The following GLRA3 variants were observed in gnomAD, a reference collection of about 807,000 sequenced individuals.
The protein encoded by GLRA3 is glycine receptor alpha 3, also known as glycine receptor subunit alpha-3.
In GLRA3, 44 loss-of-function variants were observed where a neutral mutation model predicts 60.4. That is an observed-to-expected ratio of 0.73 (90% confidence interval 0.57 to 0.94). GLRA3 has a LOEUF of 0.94. Among genes scored for constraint, GLRA3 ranks in the 40% least tolerant of loss-of-function variants. The probability of loss-of-function intolerance (pLI) is 0.00; values close to 1 mark genes in which losing one functional copy is unlikely to be tolerated. For synonymous variants in GLRA3, 223 were observed against 192.9 expected (o/e 1.16, Z -1.29); for missense variants, 508 against 564.6 (o/e 0.90, Z 1.02).
At chr4:174,680,542 G>A (rs558206939) in intron 6 of GLRA3, among the ~76,000 whole-genome samples, 1 of 152,282 alleles carries the variant, frequency 6.6e-6, no homozygotes, top group Non-Finnish European at 1.5e-5. Context: ...ATTTCAGGAA[G>A]AACTTTACAT....
At chr4:174,708,823 A>G (rs530917657) in intron 5 of GLRA3, among the ~76,000 whole-genome samples, 1 of 140,622 alleles carries the variant, frequency 7.1e-6, no homozygotes, top group Non-Finnish European at 1.6e-5. Context: ...TTTTTTTTTC[A>G]ACTAGCAAAT....
chr4:174,743,503 T>C (rs1872549), intron 3 of GLRA3, among the ~76,000 whole-genome samples: 29,295 of 152,102 alleles, frequency 0.19, 3,334 homozygotes, highest in Admixed American at 0.26. Context: ...TGATGTTTTC[T>C]CATAATTAGA....
chr4:174,702,740 T>A (rs918262667), intron 5 of GLRA3, among the ~76,000 whole-genome samples: 1 of 152,206 alleles, frequency 6.6e-6, no homozygotes, highest in African/African-American at 2.4e-5. Flanking sequence ...GATAATTTTT[T>A]AATTTTTTGT....
At chr4:174,680,084 A>T (rs1029164598) in intron 6 of GLRA3, among the ~76,000 whole-genome samples, 6 of 152,220 alleles carry the variant, frequency 3.9e-5, no homozygotes, top group African/African-American at 1.4e-4. Flanking sequence ...TACAGATTTT[A>T]TGTTTGTATC....
chr4:174,751,008 C>T lies in GLRA3; in HGVS notation c.267+15955G>A, dbSNP rs115962862. On this transcript the variant is annotated intron_variant, in intron 3 of 9. Coordinates refer to ENST00000274093, the MANE Select transcript of GLRA3 (RefSeq NM_006529.4). ...GGATCTATCTAGGACAGTTTCAAAA[C>T]AAAGTTTACCCTTATATCAGCTAAC... Among the ~76,000 whole-genome samples, 775 of 152,042 alleles carry T rather than the reference C, an allele frequency of 5.1e-3. 7 individuals are homozygous for T. The highest frequency in any genetic ancestry group is 0.024 in the Middle Eastern group (7 of 294).
intron 1 of GLRA3, among the ~76,000 whole-genome samples, chr4:174,820,223 C>T (rs1028003489): frequency 2.6e-5 from 4 of 152,124 alleles, no homozygotes; most frequent in African/African-American, 7.2e-5. Flanking sequence ...TATATTACCA[C>T]AGACACATAA....
At chr4:174,826,622 A>G (rs367996784) in intron 1 of GLRA3, among the ~76,000 whole-genome samples, 5 of 152,328 alleles carry the variant, frequency 3.3e-5, no homozygotes, top group Admixed American at 6.5e-5. Flanking sequence ...TATGACATAA[A>G]AAGTCTGTAC....
intron 1 of GLRA3, among the ~76,000 whole-genome samples, chr4:174,790,207 G>T: frequency 6.6e-6 from 1 of 152,100 alleles, no homozygotes; most frequent in Admixed American, 6.5e-5. Flanking sequence ...TTTCCCCAGT[G>T]ACTCTCATTC....
At chr4:174,795,115 C>T (rs911191066) in intron 1 of GLRA3, among the ~76,000 whole-genome samples, 9 of 151,438 alleles carry the variant, frequency 5.9e-5, no homozygotes, top group Non-Finnish European at 1.2e-4. Flanking sequence ...ATAGCTTCTG[C>T]TAATATATAA....
In GLRA3 at chr4:174,701,498, C is replaced by T. The variant is rs1735317575; in HGVS notation, c.574+13990G>A. On this transcript the variant is annotated intron_variant, in intron 5 of 9. Coordinates refer to ENST00000274093, the MANE Select transcript of GLRA3 (RefSeq NM_006529.4). Reference sequence around the variant, plus strand: ...CTAACATAGCATCCATTCTGTGGCCCCTAGATCAAGGAGTAATTTTGACTT... The same window carrying T: ...CTAACATAGCATCCATTCTGTGGCCTCTAGATCAAGGAGTAATTTTGACTT... 1.3e-5 allele frequency among the ~76,000 whole-genome samples: 2 copies of T among 151,998 alleles called. 1 individual carries two copies. The highest frequency in any genetic ancestry group is 4.1e-4 in the South Asian group (2 of 4,820).
intron 3 of GLRA3, among the ~76,000 whole-genome samples, chr4:174,736,212 T>C (rs1392977370): frequency 6.6e-6 from 1 of 152,142 alleles, no homozygotes; most frequent in Admixed American, 6.5e-5. Context: ...TTTATTAATG[T>C]GTGTTTTTAA....
intron 3 of GLRA3, among the ~76,000 whole-genome samples, chr4:174,735,300 C>A (rs546336106): frequency 2.6e-5 from 4 of 152,242 alleles, no homozygotes; most frequent in Non-Finnish European, 5.9e-5. Context: ...CTTCTCAGCT[C>A]CTAAACTCCA....
At chr4:174,734,820 C>T (rs1231691902) in intron 3 of GLRA3, among the ~76,000 whole-genome samples, 2 of 152,046 alleles carry the variant, frequency 1.3e-5, no homozygotes, top group South Asian at 2.1e-4. Context: ...TCTGTACACT[C>T]GAATGCAATA....
intron 5 of GLRA3, among the ~76,000 whole-genome samples, chr4:174,688,254 C>G (rs1192991870): frequency 6.8e-6 from 1 of 146,336 alleles, no homozygotes; most frequent in Admixed American, 6.9e-5. Flanking sequence ...CACCTTTCCT[C>G]CAGTTGCTCT....
intron 5 of GLRA3, among the ~76,000 whole-genome samples, chr4:174,705,777 A>G (rs897986980): frequency 7.6e-6 from 1 of 132,280 alleles, no homozygotes; most frequent in Non-Finnish European, 1.6e-5. Flanking sequence ...TAGAATTTCT[A>G]GTGATAACAA....
intron 3 of GLRA3, among the ~76,000 whole-genome samples, chr4:174,738,784 T>A (rs1027796961): frequency 6.6e-6 from 1 of 152,232 alleles, no homozygotes; most frequent in Admixed American, 6.5e-5. Context: ...TCTTTACCAG[T>A]GGTGTATTGT....
chr4:174,683,115 A>G (rs1244600051), intron 5 of GLRA3, among the ~76,000 whole-genome samples, 176 bp from the exon 6 acceptor site: 1 of 152,164 alleles, frequency 6.6e-6, no homozygotes, highest in Non-Finnish European at 1.5e-5. Context: ...GTTGAAGTCT[A>G]TTCACGTGGA....
intron 1 of GLRA3, among the ~76,000 whole-genome samples, chr4:174,828,265 G>A (rs1741057820): frequency 6.6e-6 from 1 of 151,996 alleles, no homozygotes; most frequent in Non-Finnish European, 1.5e-5. Context: ...CCCTTATTTT[G>A]ATTCATTTAA....
intron 5 of GLRA3, among the ~76,000 whole-genome samples, chr4:174,684,021 A>C (rs1734458282): frequency 6.6e-6 from 1 of 152,154 alleles, no homozygotes; most frequent in Non-Finnish European, 1.5e-5. Flanking sequence ...TTTGGGCCAG[A>C]CACATTATAT....
Sources: gnomAD v4.1 joint callset for allele counts (sites outside exome capture counted in the v4.1 genomes callset) on GRCh38, gnomAD v4.1.1 for gene constraint, MANE v1.5 for transcripts, NCBI Gene and HGNC (gene_info 2026-07-23, HGNC 2026-07-21) for gene names.